ENTHD1: variants seen among roughly 807,000 people sequenced by gnomAD.
ENTHD1 encodes the protein ENTH domain containing 1.
In ENTHD1, 23 loss-of-function variants were observed where a neutral mutation model predicts 39.1. That is an observed-to-expected ratio of 0.59 (90% CI 0.42 to 0.83). The LOEUF (loss-of-function observed/expected upper bound fraction) is 0.83, where lower values mean the gene tolerates loss of function less well. Ranked by LOEUF, ENTHD1 falls within the 40% of genes least tolerant of loss-of-function variation. The pLI, the probability that ENTHD1 is intolerant of heterozygous loss-of-function variation, is 0.00. For synonymous variants in ENTHD1, 230 were observed against 258.2 expected (o/e 0.89, Z 1.05); for missense variants, 624 against 705.4 (o/e 0.88, Z 1.31).
At chr22:39,865,128 G>A (rs1161832972) in intron 2 of ENTHD1, among the ~76,000 whole-genome samples, 1 of 152,094 alleles carries the variant, frequency 6.6e-6, no homozygotes, top group African/African-American at 2.4e-5. Context: ...TCTCCTTGGA[G>A]TCTGTGTGGA....
At chr22:39,869,134 A>G (rs1347520506) in intron 2 of ENTHD1, among the ~76,000 whole-genome samples, 1 of 152,250 alleles carries the variant, frequency 6.6e-6, no homozygotes, top group Non-Finnish European at 1.5e-5. Flanking sequence ...AAAAGGAAAT[A>G]CATAATTCTG....
chr22:39,760,512 T>C (rs926099135), intron 6 of ENTHD1, among the ~76,000 whole-genome samples: 4 of 152,018 alleles, frequency 2.6e-5, no homozygotes, highest in African/African-American at 9.7e-5. Context: ...TTTATGTCTT[T>C]GTATTTAAAG....
At chr22:39,757,117 G>GT (rs1386974777) in intron 6 of ENTHD1, among the ~76,000 whole-genome samples, 5 of 151,920 alleles carry the variant, frequency 3.3e-5, no homozygotes, top group Non-Finnish European at 7.4e-5. Flanking sequence ...TGAACACTGT[G>GT]TATCTTCTCA....
intron 3 of ENTHD1, among the ~76,000 whole-genome samples, chr22:39,839,333 T>C (rs1241422735): frequency 6.6e-6 from 1 of 152,122 alleles, no homozygotes; most frequent in Non-Finnish European, 1.5e-5. Flanking sequence ...AATTAATTAA[T>C]TTTAGGAACA....
At chr22:39,785,730 G>A (rs941269869) in intron 5 of ENTHD1, among the ~76,000 whole-genome samples, 8 of 152,012 alleles carry the variant, frequency 5.3e-5, no homozygotes, top group East Asian at 1.9e-4. Flanking sequence ...AACTTATTCC[G>A]ACCCCCTCCC....
intron 3 of ENTHD1, among the ~76,000 whole-genome samples, chr22:39,845,139 C>T (rs184690721): frequency 7.3e-5 from 11 of 151,108 alleles, no homozygotes; most frequent in East Asian, 1.9e-4. Context: ...TCAGATATGG[C>T]GGGAAGAGTC....
intron 2 of ENTHD1, among the ~76,000 whole-genome samples, chr22:39,864,230 C>T (rs967993528): frequency 1.3e-5 from 2 of 152,038 alleles, no homozygotes; most frequent in South Asian, 2.1e-4. Flanking sequence ...TCTCCTTCCA[C>T]CTTCCCCCTC....
At position 39,743,789 on chromosome 22, in the gene ENTHD1, C is replaced by A; in HGVS notation, c.1714G>T (p.Glu572Ter). Reference protein sequence around the residue: ...LHEDLSTVIQELNVINNILMS... With the variant: ...LHEDLSTVIQ Reference sequence around the variant, plus strand: ...AAGATGTTATTGATGACATTAAGTTCTTGGATCACTGTGCTCAGATCTTCA... The same window carrying A: ...AAGATGTTATTGATGACATTAAGTTATTGGATCACTGTGCTCAGATCTTCA... Residue 572 changes from glutamate to a stop codon, truncating the protein, a stop_gained, in exon 7 of 7, where the codon GAA becomes TAA. Coordinates refer to ENST00000325157, the MANE Select transcript of ENTHD1 (RefSeq NM_152512.4). LOFTEE classifies it low-confidence loss of function (END_TRUNC). 6.2e-7 allele frequency: 1 copy of A among 1,614,110 alleles called. No individual in the cohort carries two copies.
intron 6 of ENTHD1, among the ~76,000 whole-genome samples, chr22:39,748,249 C>CA (rs60946846): frequency 0.043 from 2,596 of 59,926 alleles, 69 homozygotes; most frequent in African/African-American, 0.11. Flanking sequence ...ACCCTGTCTC[C>CA]AAAAAAAAAA....
intron 5 of ENTHD1, among the ~76,000 whole-genome samples, chr22:39,773,806 T>C (rs910183776): frequency 6.6e-6 from 1 of 152,158 alleles, no homozygotes; most frequent in African/African-American, 2.4e-5. Context: ...CAACTACAAA[T>C]TTAGGCATTG....
intron 2 of ENTHD1, among the ~76,000 whole-genome samples, chr22:39,884,099 T>A (rs1458919645): frequency 1.3e-5 from 2 of 152,052 alleles, no homozygotes; most frequent in East Asian, 3.9e-4. Flanking sequence ...GAGAAATTAG[T>A]ATTGTTAAAA....
intron 5 of ENTHD1, among the ~76,000 whole-genome samples, chr22:39,804,150 C>T (rs1226268424): frequency 2.0e-5 from 3 of 151,164 alleles, no homozygotes; most frequent in African/African-American, 4.9e-5. Context: ...AGTGACAAAG[C>T]AAAACTCTGT....
At chr22:39,848,852 CA>C (rs1458281999) in intron 3 of ENTHD1, among the ~76,000 whole-genome samples, 1 of 152,134 alleles carries the variant, frequency 6.6e-6, no homozygotes, top group Non-Finnish European at 1.5e-5. Flanking sequence ...CTAAACGTTT[CA>C]AAGTTTTGCC....
At chr22:39,872,683 GGAGGATACAATGGGA>G (rs1207720469) in intron 2 of ENTHD1, among the ~76,000 whole-genome samples, 2 of 152,100 alleles carry the variant, frequency 1.3e-5, no homozygotes, top group African/African-American at 2.4e-5. Flanking sequence ...CCTGAGTGTT[GGAGGATACAATGGGA>G]GAGGATACAA....
intron 5 of ENTHD1, among the ~76,000 whole-genome samples, chr22:39,772,368 T>G (rs2065333646): frequency 6.6e-6 from 1 of 152,148 alleles, no homozygotes; most frequent in African/African-American, 2.4e-5. Context: ...TACCAGTCCG[T>G]GGCCCAGGGG....
chr22:39,764,496 T>C (rs1238394721), intron 6 of ENTHD1, among the ~76,000 whole-genome samples: 2 of 152,146 alleles, frequency 1.3e-5, no homozygotes, highest in Admixed American at 6.6e-5. Flanking sequence ...AAAAGCTTTA[T>C]ATTTATATGA....
intron 5 of ENTHD1, among the ~76,000 whole-genome samples, chr22:39,803,724 A>T (rs1388389984): frequency 1.3e-5 from 2 of 152,190 alleles, no homozygotes; most frequent in Non-Finnish European, 2.9e-5. Context: ...TAGGGTGTTA[A>T]TTTACTAAGT....
rs1330115859 is a variant in ENTHD1 at position 39,789,381 on chromosome 22, C to T, written c.833-23772G>A. On this transcript the variant is annotated intron_variant, in intron 5 of 6. Transcript: ENST00000325157. ...TTTTTTCTTCCTTAACTCCTCAAAA[C>T]ACCATAATCTGGCTTCCATTCGTAC... Among the ~76,000 whole-genome samples the T allele has an allele frequency of 2.0e-5, 3 of 152,206 alleles. No homozygotes were observed. In the East Asian group the frequency reaches 5.8e-4, roughly 29 times the overall value.
chr22:39,853,582 A>C (rs2066061910), intron 3 of ENTHD1, among the ~76,000 whole-genome samples: 1 of 150,030 alleles, frequency 6.7e-6, no homozygotes, highest in East Asian at 1.9e-4. Context: ...TCTTCTTATT[A>C]TTATTTTTTG....
Sources: gnomAD v4.1 joint callset for allele counts (sites outside exome capture counted in the v4.1 genomes callset) on GRCh38, gnomAD v4.1.1 for gene constraint, MANE v1.5 for transcripts, NCBI Gene and HGNC (gene_info 2026-07-23, HGNC 2026-07-21) for gene names.